Variants in FAM98A observed in about 807,000 individuals in gnomAD.
FAM98A encodes the protein protein FAM98A.
FAM98A carries 25 observed loss-of-function variants against 62.9 expected under a neutral mutation model. That is an observed-to-expected ratio of 0.40 (90% CI 0.29 to 0.56). FAM98A has a LOEUF of 0.56. Ranked by LOEUF, FAM98A falls within the 20% of genes least tolerant of loss-of-function variation. The pLI is 0.51. For synonymous variants in FAM98A, 252 were observed against 228.6 expected (o/e 1.10, Z -0.92); for missense variants, 653 against 640.7 (o/e 1.02, Z -0.21).
intron 5 of FAM98A, 42 bp from the exon 6 acceptor site, chr2:33,586,720 T>C (rs777370097): frequency 2.0e-5 from 27 of 1,327,266 alleles, no homozygotes; most frequent in Middle Eastern, 1.8e-4. Flanking sequence ...TTAAATCTGC[T>C]TGATTCTCTG....
rs1228233818 is a variant in FAM98A at position 33,584,286 on chromosome 2, A to G, written c.*490T>C. 1 of 157,240 alleles carries G rather than the reference A, an allele frequency of 6.4e-6. No homozygotes were observed. Among genetic ancestry groups the G allele is most frequent in the Non-Finnish European group, 1.4e-5 (1 of 70,834 alleles). 9.7% of individuals were successfully genotyped at this position (157,240 alleles called of 1,614,324 possible). On this transcript the variant is annotated 3_prime_UTR_variant, in exon 8 of 8. Coordinates refer to ENST00000238823, the MANE Select transcript of FAM98A (RefSeq NM_015475.5). Reference sequence around the variant, plus strand: ...TCCATCATGAAGCACACGTGGCATAAAAGTCAACCGGGGGGCAGAACTGTG... The same window carrying G: ...TCCATCATGAAGCACACGTGGCATAGAAGTCAACCGGGGGGCAGAACTGTG...
chr2:33,594,574 T>C lies in FAM98A; in HGVS notation c.202+915A>G, dbSNP rs146550324. ...AAAAAAAAAAAATTATATATATATA[T>C]ATACACACACACACACACACACACA... On this transcript the variant is annotated intron_variant, in intron 2 of 7. Coordinates refer to ENST00000238823, the MANE Select transcript of FAM98A (RefSeq NM_015475.5). Among the ~76,000 whole-genome samples, 357 of 66,100 alleles carry C rather than the reference T, an allele frequency of 5.4e-3. 11 individuals are homozygous for C. The highest frequency in any genetic ancestry group is 6.4e-3 in the African/African-American group (80 of 12,532). 43.4% of individuals were successfully genotyped at this position (66,100 alleles called of 152,430 possible).
In FAM98A at chr2:33,598,905, A is replaced by G. The variant is rs545569343; in HGVS notation, c.53+264T>C. ...GGTGGCGAAAATCAGAGCCCAGACA[A>G]TGACACGCATGACTGACAAACGCTG... is the stretch of plus-strand genomic sequence containing the variant. On this transcript the variant is annotated intron_variant, in intron 1 of 7. Transcript: ENST00000238823. Among the ~76,000 whole-genome samples, 12 of 152,242 alleles carry G rather than the reference A, an allele frequency of 7.9e-5. No individual in the cohort carries two copies. The East Asian group carries it at 2.3e-3, about 29-fold the overall frequency.
At chr2:33,586,009 A>G (rs985736933) in intron 6 of FAM98A, among the ~76,000 whole-genome samples, 7 of 152,230 alleles carry the variant, frequency 4.6e-5, no homozygotes, top group Admixed American at 4.6e-4. Flanking sequence ...CTCAGATCAA[A>G]CATACTCATT....
At chr2:33,586,815 T>G (rs889837961) in intron 5 of FAM98A, 137 bp from the exon 6 acceptor site, 4 of 610,430 alleles carry the variant, frequency 6.6e-6, no homozygotes, top group Non-Finnish European at 1.2e-5. Flanking sequence ...TTCCATATAA[T>G]ATACTAACAA....
intron 3 of FAM98A, among the ~76,000 whole-genome samples, chr2:33,591,154 T>C (rs1677663691): frequency 6.6e-6 from 1 of 151,970 alleles, no homozygotes; most frequent in African/African-American, 2.4e-5. Flanking sequence ...ACAAAAGTGA[T>C]TCTGGAATAA....
Position 33,584,942 on chromosome 2 carries a change from C to T in FAM98A, c.1391G>A (p.Arg464Gln), listed in dbSNP as rs747921128. The change falls in exon 8 of 8, where the codon CGA becomes CAA. Residue 464 changes from arginine (R) to glutamine (Q), a missense_variant. Coordinates refer to ENST00000238823, the MANE Select transcript of FAM98A (RefSeq NM_015475.5). ...HGDRGGGRGG[R>Q]GGRGGRGGRA... ...ACCACCTCGGCCTCCACGACCACCT[C>T]GCCCACCACGACCACCACCACGATC... The T allele has an allele frequency of 5.0e-6, 8 of 1,613,808 alleles. No homozygotes were observed. Among genetic ancestry groups the T allele is most frequent in the Non-Finnish European group, 5.9e-6 (7 of 1,179,908 alleles).
chr2:33,588,900 AT>A (rs71974313), intron 3 of FAM98A: 154 of 150,732 alleles, frequency 1.0e-3, no homozygotes, highest in Middle Eastern at 6.8e-3. Flanking sequence ...ATGACAATTA[AT>A]TTTTTTTTTT....
chr2:33,586,895 CTTAT>C, intron 5 of FAM98A: 1 of 542,626 alleles, frequency 1.8e-6, no homozygotes. Context: ...GTACACAATT[CTTAT>C]TTATCTTTCC....
At chr2:33,589,591 A>G (rs146882419) in intron 3 of FAM98A, 65 of 152,136 alleles carry the variant, frequency 4.3e-4, no homozygotes, top group African/African-American at 1.5e-3. Flanking sequence ...AAGGCTGCCA[A>G]CTCCTGTTCT....
In FAM98A at chr2:33,599,161, A is replaced by T. The variant is rs1182137695; in HGVS notation, c.53+8T>A. 1 of 1,612,896 alleles carries T rather than the reference A, an allele frequency of 6.2e-7. No homozygotes were observed. Among genetic ancestry groups the T allele is most frequent in the Non-Finnish European group, 8.5e-7 (1 of 1,178,974 alleles). ...GGGCTTGGGAGACCCGTGCCCTGAC[A>T]ATCTTACCCTAGATCTTCCAACGAC... On this transcript the variant is annotated splice_region_variant and intron_variant, in intron 1 of 7. Transcript: ENST00000238823.
chr2:33,593,013 T>C (rs1677708897), intron 2 of FAM98A, among the ~76,000 whole-genome samples: 1 of 152,222 alleles, frequency 6.6e-6, no homozygotes, highest in African/African-American at 2.4e-5. Flanking sequence ...CCAGTGGCCT[T>C]GCTCCTTGAT....
chr2:33,583,802 A>G lies in FAM98A; in HGVS notation c.*974T>C, dbSNP rs1677471072. 1 of 152,706 alleles carries G rather than the reference A, an allele frequency of 6.5e-6. No homozygotes were observed. Among genetic ancestry groups the G allele is most frequent in the South Asian group, 2.1e-4 (1 of 4,836 alleles). The allele number at this position is 152,706 out of a possible 1,614,324, so 9.5% of individuals were successfully genotyped here. A position where few individuals can be genotyped will look rare whatever the true frequency, so the allele number is the denominator to read the frequency against. On this transcript the variant is annotated 3_prime_UTR_variant, in exon 8 of 8. Transcript: ENST00000238823. ...TGTAGATTTCAGTAAGGGAGAATGT[A>G]AAACATCAACTCAGCCAGGCTTTTG...
chr2:33,594,769 A>G (rs563043186), intron 2 of FAM98A, among the ~76,000 whole-genome samples: 87 of 151,876 alleles, frequency 5.7e-4, no homozygotes, highest in Middle Eastern at 3.4e-3. Context: ...GATTATGTGG[A>G]AAAAAAGGAA....
rs1242011797 is a variant in FAM98A, at chr2:33,588,321, AC to A, written c.522+13del. ...TGCCTTTAATACACTACAATTTGGT[AC>A]TAAAGGTCTTACTTTTTTTTCAATC... On this transcript the variant is annotated intron_variant, in intron 4 of 7. Transcript: ENST00000238823. The A allele has an allele frequency of 1.2e-6, 2 of 1,602,486 alleles. No individual in the cohort carries two copies. Among genetic ancestry groups the A allele is most frequent in the Non-Finnish European group, 1.7e-6 (2 of 1,171,886 alleles).
At chr2:33,599,077 G>T in intron 1 of FAM98A, 92 bp downstream of exon 1, 1 of 1,037,436 alleles carries the variant, frequency 9.6e-7, no homozygotes, top group Non-Finnish European at 1.5e-6. Flanking sequence ...GGTGCGGCGT[G>T]GAGAGGCAGG....
Position 33,585,230 on chromosome 2 carries a change from T to TGGTCATAGCCACCAC in FAM98A, c.1088_1102dup (p.Arg363_Asp367dup). 2.5e-6 allele frequency: 4 copies of TGGTCATAGCCACCAC among 1,613,990 alleles called. No homozygotes were observed. The highest frequency in any genetic ancestry group is 3.4e-6 in the Non-Finnish European group (4 of 1,179,988). ...TCCTCTTCCTCCCCCTCGGCCACCA[T>TGGTCATAGCCACCAC]GGTCATAGCCACCACGTCCACCTCT... On this transcript the variant is annotated inframe_insertion, in exon 8 of 8. Transcript: ENST00000238823.
chr2:33,587,285 A>G lies in FAM98A; in HGVS notation c.558T>C (p.His186=). The change falls in exon 5 of 8, where the codon CAT becomes CAC. Residue 186 remains histidine (H), a synonymous_variant. Transcript: ENST00000238823. ...KETLAKVPPN[H]VGKPLLKKPM... ...GCTTCTTCAGTAAAGGCTTTCCCAC[A>G]TGATTAGGTGGAACTTTTGCTAATG... is the stretch of plus-strand genomic sequence containing the variant. 1 of 1,613,554 alleles carries G rather than the reference A, an allele frequency of 6.2e-7. No homozygotes were observed. The highest frequency in any genetic ancestry group is 8.5e-7 in the Non-Finnish European group (1 of 1,179,484).
At chr2:33,594,509 T>C (rs551934279) in intron 2 of FAM98A, among the ~76,000 whole-genome samples, 8 of 136,012 alleles carry the variant, frequency 5.9e-5, no homozygotes, top group South Asian at 2.3e-4. Flanking sequence ...CTGCATGTTC[T>C]ACACATGTAT....
Sources: allele counts gnomAD v4.1 joint callset (sites outside exome capture counted in the v4.1 genomes callset), GRCh38; gene constraint gnomAD v4.1.1; transcripts MANE v1.5; gene names NCBI Gene and HGNC (gene_info 2026-07-23, HGNC 2026-07-21).